L3MBTL4: variants seen among roughly 807,000 people sequenced by gnomAD.
L3MBTL4 encodes the protein L3MBTL histone methyl-lysine binding protein 4.
L3MBTL4 carries 70 observed loss-of-function variants against 84.5 expected under a neutral mutation model. The ratio of observed to expected loss-of-function variants is 0.83; its 90% CI spans 0.68 to 1.01. The LOEUF (loss-of-function observed/expected upper bound fraction) is 1.01, where lower values mean the gene tolerates loss of function less well. Ranked by LOEUF, L3MBTL4 falls within the 50% of genes least tolerant of loss-of-function variation. The probability of loss-of-function intolerance (pLI) is 0.00; values close to 1 mark genes in which losing one functional copy is unlikely to be tolerated. For synonymous variants in L3MBTL4, 274 were observed against 259.8 expected (o/e 1.05, Z -0.52); for missense variants, 715 against 754.8 (o/e 0.95, Z 0.62).
At chr18:6,087,234 C>A (rs954298451) in intron 15 of L3MBTL4, among the ~76,000 whole-genome samples, 4 of 152,160 alleles carry the variant, frequency 2.6e-5, no homozygotes, top group African/African-American at 9.7e-5. Flanking sequence ...TGTTAGTCAG[C>A]TAACTACATA....
intron 5 of L3MBTL4, among the ~76,000 whole-genome samples, chr18:6,248,300 C>G (rs2047772334): frequency 1.3e-5 from 2 of 152,256 alleles, no homozygotes; most frequent in Non-Finnish European, 2.9e-5. Context: ...AACTTTCCCT[C>G]CCTCCTGTGT....
At chr18:6,325,159 A>G (rs1167395490) in intron 1 of L3MBTL4, among the ~76,000 whole-genome samples, 4 of 152,224 alleles carry the variant, frequency 2.6e-5, no homozygotes, top group Non-Finnish European at 5.9e-5. Flanking sequence ...CAGCAATTAC[A>G]CAAAATTAAG....
chr18:6,338,246 T>C lies in L3MBTL4; in HGVS notation c.-90-26190A>G, dbSNP rs537210193. 4.6e-5 allele frequency among the ~76,000 whole-genome samples: 7 copies of C among 151,104 alleles called. No homozygotes were observed. The South Asian group carries it at 1.5e-3, about 32-fold the overall frequency. On this transcript the variant is annotated intron_variant, in intron 1 of 18. Coordinates refer to ENST00000317931, the MANE Select transcript of L3MBTL4 (RefSeq NM_001330559.2). ...GAAGGAGGGAAAGAAGGAAAATGAA[T>C]GGTGGAGAGGAGAGGAGAGAGTTCT...
intron 1 of L3MBTL4, among the ~76,000 whole-genome samples, chr18:6,369,331 G>A (rs2054063945): frequency 1.3e-5 from 2 of 152,190 alleles, no homozygotes; most frequent in Non-Finnish European, 2.9e-5. Flanking sequence ...AAGGGAATGT[G>A]TCCTCCAGGG....
At chr18:6,343,254 T>C (rs1188092650) in intron 1 of L3MBTL4, among the ~76,000 whole-genome samples, 2 of 152,160 alleles carry the variant, frequency 1.3e-5, no homozygotes, top group Non-Finnish European at 2.9e-5. Flanking sequence ...CTAACAGATA[T>C]ATAGAGAACA....
At chr18:6,117,160 G>T (rs1284892940) in intron 14 of L3MBTL4, among the ~76,000 whole-genome samples, 1 of 152,192 alleles carries the variant, frequency 6.6e-6, no homozygotes, top group Admixed American at 6.5e-5. Flanking sequence ...AAATCCCTTA[G>T]AATGGAAGAG....
At chr18:6,229,050 C>G (rs1424959879) in intron 10 of L3MBTL4, among the ~76,000 whole-genome samples, 1 of 151,944 alleles carries the variant, frequency 6.6e-6, no homozygotes, top group Non-Finnish European at 1.5e-5. Context: ...AAACTCTAAG[C>G]TAAAAAAATT....
At chr18:6,109,784 CTCTT>C (rs1048820589) in intron 14 of L3MBTL4, among the ~76,000 whole-genome samples, 1 of 152,166 alleles carries the variant, frequency 6.6e-6, no homozygotes, top group Non-Finnish European at 1.5e-5. Flanking sequence ...CCCCGATCCT[CTCTT>C]TATTTAAAAA....
chr18:6,138,344 G>T lies in L3MBTL4; in HGVS notation c.1097-48C>A, dbSNP rs9948722. ...CCTTGAAAACACCCTCATTAAAGAAGACTGCAAATCTGAAATATGTAAATG... is the reference window on the plus strand; with the variant it reads ...CCTTGAAAACACCCTCATTAAAGAATACTGCAAATCTGAAATATGTAAATG... On this transcript the variant is annotated intron_variant, in intron 13 of 18. Coordinates refer to ENST00000317931, the MANE Select transcript of L3MBTL4 (RefSeq NM_001330559.2). 4,409 of 1,151,604 alleles carry T rather than the reference G, an allele frequency of 3.8e-3. 136 individuals carry two copies. The African/African-American group carries it at 0.06, about 16-fold the overall frequency. The allele number at this position is 1,151,604 out of a possible 1,614,324, so 71.3% of individuals were successfully genotyped here. A position where few individuals can be genotyped will look rare whatever the true frequency, so the allele number is the denominator to read the frequency against.
chr18:6,109,850 A>T (rs1382254045), intron 14 of L3MBTL4, among the ~76,000 whole-genome samples: 2 of 152,026 alleles, frequency 1.3e-5, no homozygotes, highest in African/African-American at 4.8e-5. Context: ...TTTTTCTAAT[A>T]TTTCCTTTTT....
chr18:6,305,604 T>C (rs1006595798), intron 3 of L3MBTL4, among the ~76,000 whole-genome samples: 1 of 152,118 alleles, frequency 6.6e-6, no homozygotes, highest in African/African-American at 2.4e-5. Context: ...TTCTGAAAAC[T>C]GAAAATAAAG....
At chr18:6,134,006 A>T (rs2059952760) in intron 14 of L3MBTL4, among the ~76,000 whole-genome samples, 1 of 152,192 alleles carries the variant, frequency 6.6e-6, no homozygotes, top group Non-Finnish European at 1.5e-5. Context: ...GCTGATAAAG[A>T]CATACCCGAG....
chr18:6,209,533 T>C (rs1438931346), intron 12 of L3MBTL4, among the ~76,000 whole-genome samples: 1 of 150,976 alleles, frequency 6.6e-6, no homozygotes, highest in Non-Finnish European at 1.5e-5. Context: ...GGAGTCCTCA[T>C]ATACCGCTAA....
chr18:5,995,142 G>A (rs2053893337), intron 16 of L3MBTL4, among the ~76,000 whole-genome samples: 1 of 152,272 alleles, frequency 6.6e-6, no homozygotes, highest in Non-Finnish European at 1.5e-5. Flanking sequence ...CGTGTTTGAT[G>A]CATGGGTCTG....
At chr18:6,217,914 T>C (rs1300670439) in intron 10 of L3MBTL4, among the ~76,000 whole-genome samples, 1 of 152,216 alleles carries the variant, frequency 6.6e-6, no homozygotes, top group Non-Finnish European at 1.5e-5. Flanking sequence ...CATATCTATT[T>C]TAATCACTTT....
intron 1 of L3MBTL4, among the ~76,000 whole-genome samples, chr18:6,379,387 T>A (rs752183504): frequency 6.6e-6 from 1 of 152,228 alleles, no homozygotes; most frequent in Non-Finnish European, 1.5e-5. Flanking sequence ...GGCATCCTTG[T>A]CTTGTGCCAG....
chr18:6,116,918 C>A (rs942966739), intron 14 of L3MBTL4, among the ~76,000 whole-genome samples: 1 of 152,174 alleles, frequency 6.6e-6, no homozygotes, highest in South Asian at 2.1e-4. Flanking sequence ...TGCTTTCATT[C>A]GTACTGTTAC....
intron 12 of L3MBTL4, among the ~76,000 whole-genome samples, chr18:6,183,426 G>A (rs147389924): frequency 6.6e-6 from 1 of 152,322 alleles, no homozygotes; most frequent in Non-Finnish European, 1.5e-5. Flanking sequence ...TGATGTAAAG[G>A]TCGTTGCCTT....
chr18:6,189,865 A>G (rs1027231041), intron 12 of L3MBTL4, among the ~76,000 whole-genome samples: 1 of 152,202 alleles, frequency 6.6e-6, no homozygotes, highest in African/African-American at 2.4e-5. Flanking sequence ...AAAGTAGAAG[A>G]GTTCATGAGA....
Sources: allele counts gnomAD v4.1 joint callset (sites outside exome capture counted in the v4.1 genomes callset), GRCh38; gene constraint gnomAD v4.1.1; transcripts MANE v1.5; gene names NCBI Gene and HGNC (gene_info 2026-07-23, HGNC 2026-07-21).